Variants in KNL1 observed in about 807,000 individuals in gnomAD.
KNL1 encodes outer kinetochore KNL1 complex subunit KNL1.
In KNL1, 66 loss-of-function variants were observed where a neutral mutation model predicts 201.3. The observed-to-expected ratio is 0.33, with a 90% CI of 0.27 to 0.40. The LOEUF (loss-of-function observed/expected upper bound fraction) is 0.40. KNL1 is among the 10% of genes least tolerant of loss of function. KNL1 has a pLI of 1.00. For synonymous variants in KNL1, 895 were observed against 899.2 expected (o/e 1.00, Z 0.08); for missense variants, 2,815 against 2,690.5 (o/e 1.05, Z -1.02).
In KNL1 at chr15:40,624,195, T is replaced by C; in HGVS notation, c.3931T>C (p.Cys1311Arg). The change falls in exon 10 of 26, where the codon TGT (cysteine) becomes CGT (arginine). Residue 1311 changes from cysteine to arginine, a missense_variant. Around this residue, in one of 3 missense-constraint regions of KNL1, gnomAD observed 2,464 missense variants for 2,291.7 expected, o/e 1.08. Transcript: ENST00000399668. ...TTCCTGTTTACCAAATGTTATTTCCTGTACTGATAATTTGGAGGGTAGTGC... is the reference window on the plus strand; with the variant it reads ...TTCCTGTTTACCAAATGTTATTTCCCGTACTGATAATTTGGAGGGTAGTGC... ...NYSCLPNVISCTDNLEGSAML... is the reference protein window; with the variant it reads ...NYSCLPNVISRTDNLEGSAML... 2.5e-6 allele frequency: 4 copies of C among 1,613,966 alleles called. No individual in the cohort carries two copies. Among genetic ancestry groups the C allele is most frequent in the Non-Finnish European group, 3.4e-6 (4 of 1,179,934 alleles).
Position 40,624,326 on chromosome 15 carries a change from G to A in KNL1, c.4062G>A (p.Glu1354=), listed in dbSNP as rs748021591. Residue 1354 remains glutamate (E), a synonymous_variant, in exon 10 of 26, where the codon GAG becomes GAA. Transcript: ENST00000399668. ...CCAGTGAATATTACTTGGAATCTGA[G>A]GGACAGCCTCTCTCTGCTCCTTGTC... ...DFASEYYLES[E]GQPLSAPCPL... is the part of the protein sequence containing the mutation. The A allele has an allele frequency of 1.2e-6, 2 of 1,613,978 alleles. No individual in the cohort carries two copies. The highest frequency in any genetic ancestry group is 2.2e-5 in the South Asian group (2 of 91,082).
chr15:40,625,373 G>C lies in KNL1; in HGVS notation c.5109G>C (p.Leu1703=), dbSNP rs1417475815. The C allele has an allele frequency of 6.2e-7, 1 of 1,614,024 alleles. No homozygotes were observed. Among genetic ancestry groups the C allele is most frequent in the Admixed American group, 1.7e-5 (1 of 59,994 alleles). The change falls in exon 10 of 26, where the codon CTG becomes CTC. Residue 1703 remains leucine, a synonymous_variant. Coordinates refer to ENST00000399668, the MANE Select transcript of KNL1 (RefSeq NM_144508.5). Reference sequence around the variant, plus strand: ...GCATTGGATCTGTTGCAGGTAAACTGAACCTAAGTCCTTCTCAATATATAA... The same window carrying C: ...GCATTGGATCTGTTGCAGGTAAACTCAACCTAAGTCCTTCTCAATATATAA... ...DSGIGSVAGK[L]NLSPSQYINE...
rs1489850459 is a variant in KNL1 at position 40,624,612 on chromosome 15, C to T, written c.4348C>T (p.Pro1450Ser). 1.2e-6 allele frequency: 2 copies of T among 1,613,792 alleles called. No homozygotes were observed. The highest frequency in any genetic ancestry group is 1.6e-4 in the Middle Eastern group (1 of 6,082). The change falls in exon 10 of 26, where the codon CCT becomes TCT. Residue 1450 changes from proline (P) to serine (S), a missense_variant. Pro to Ser is a moderately conservative substitution (Grantham distance 74). Coordinates refer to ENST00000399668, the MANE Select transcript of KNL1 (RefSeq NM_144508.5). The part of the protein sequence containing the change: ...IPQPHFSTDQ[P>S]PLPKKGQSSI... ...TCAGCCTCATTTCTCAACCGACCAACCTCCATTACCTAAAAAAGGACAGAG... is the reference window on the plus strand; with the variant it reads ...TCAGCCTCATTTCTCAACCGACCAATCTCCATTACCTAAAAAAGGACAGAG...
In KNL1 at chr15:40,659,892, T is replaced by TTGTGTGTG. The variant is rs749156028; in HGVS notation, c.6836+432_6836+433insGTGTGTGT. 9.2e-3 allele frequency among the ~76,000 whole-genome samples: 1,105 copies of TTGTGTGTG among 120,132 alleles called. 10 individuals are homozygous for TTGTGTGTG. Among genetic ancestry groups the TTGTGTGTG allele is most frequent in the Non-Finnish European group, 9.2e-3 (502 of 54,668 alleles). The allele number at this position is 120,132 out of a possible 152,430, so 78.8% of individuals were successfully genotyped here. ...TTCTCTTGAGTTCATTTTGAAGAAT[T>TTGTGTGTG]TATGTGTGTGTGTGTGTGTGTGTGT... On this transcript the variant is annotated intron_variant, in intron 25 of 25. Transcript: ENST00000399668.
chr15:40,598,444 A>G (rs994144555), intron 1 of KNL1, among the ~76,000 whole-genome samples: 5 of 152,042 alleles, frequency 3.3e-5, no homozygotes, highest in Non-Finnish European at 7.4e-5. Context: ...GAATGGTGGC[A>G]GGTGCCTGTA....
chr15:40,658,917 G>C (rs1316515149), intron 24 of KNL1, among the ~76,000 whole-genome samples: 2 of 135,166 alleles, frequency 1.5e-5, no homozygotes, highest in African/African-American at 2.8e-5. Context: ...GTGACAGAGC[G>C]AGACTCCATC....
chr15:40,651,042 T>A (rs190423038), intron 19 of KNL1, among the ~76,000 whole-genome samples: 1 of 151,484 alleles, frequency 6.6e-6, no homozygotes, highest in African/African-American at 2.4e-5. Flanking sequence ...ATGTTCTGTT[T>A]AGCTCTAACA....
rs371898340 is a variant in KNL1, at chr15:40,651,542, A to G, written c.6284A>G (p.Asn2095Ser). Residue 2095 changes from asparagine (N) to serine (S), a missense_variant, in exon 20 of 26, where the codon AAT (asparagine) becomes AGT (serine). By Grantham distance (46) the Asn-to-Ser change is conservative (BLOSUM62 1). Around this residue, in one of 3 missense-constraint regions of KNL1, gnomAD observed 334 missense variants for 362.6 expected, o/e 0.92. Transcript: ENST00000399668. ...AQIDFMQKQR[N>S]RTEELLDQLS... The stretch of plus-strand genomic sequence containing the variant: ...ATAGACTTTATGCAAAAACAAAGAA[A>G]TAGAACTGAAGAGCTACTGGATCAG... 59 of 1,610,570 alleles carry G rather than the reference A, an allele frequency of 3.7e-5. No individual in the cohort carries two copies. The African/African-American group carries it at 7.6e-4, about 21-fold the overall frequency.
chr15:40,599,564 CG>C (rs925329543), intron 1 of KNL1, among the ~76,000 whole-genome samples: 15 of 151,158 alleles, frequency 9.9e-5, no homozygotes, highest in African/African-American at 3.6e-4. Flanking sequence ...TTGTATTTTT[CG>C]TAGAGGTGGG....
chr15:40,612,201 A>C (rs1892187044), intron 7 of KNL1, among the ~76,000 whole-genome samples: 1 of 152,164 alleles, frequency 6.6e-6, no homozygotes, highest in Admixed American at 6.6e-5. Context: ...CTGTAGTCCC[A>C]GCTACTCAGG....
intron 13 of KNL1, 36 bp from the exon 14 acceptor site, chr15:40,640,876 G>GAT: frequency 8.3e-7 from 1 of 1,204,554 alleles, no homozygotes. Flanking sequence ...TTGTCTGCAA[G>GAT]ATACCAGTTC....
Position 40,621,551 on chromosome 15 carries a change from C to G in KNL1, c.1287C>G (p.Phe429Leu), listed in dbSNP as rs1273657787. The change falls in exon 10 of 26, where the codon TTC becomes TTG. Residue 429 changes from phenylalanine to leucine, a missense_variant. Around this residue, in one of 3 missense-constraint regions of KNL1, gnomAD observed 2,464 missense variants for 2,291.7 expected, o/e 1.08. Coordinates refer to ENST00000399668, the MANE Select transcript of KNL1 (RefSeq NM_144508.5). ...CTATTCAAGGTTGTAAGACTGTTTT[C>G]TATTCTAGTTGTAATGATGCCATGG... ...NPSIQGCKTV[F>L]YSSCNDAMEM... 3 of 1,610,628 alleles carry G rather than the reference C, an allele frequency of 1.9e-6. No homozygotes were observed. Among genetic ancestry groups the G allele is most frequent in the Non-Finnish European group, 2.5e-6 (3 of 1,178,470 alleles).
rs1326127670 is a variant in KNL1, at chr15:40,657,056, C to T, written c.6499C>T (p.Pro2167Ser). ...TCCTTCCCCAGAGGATCAAGCTCCT[C>T]CTTCCTCCCTTTTAGTTCATAAGCT... ...QSLLDEDQAP[P>S]SSLLVHKLIF... The change falls in exon 23 of 26, where the codon CCT becomes TCT. Residue 2167 changes from proline (P) to serine (S), a missense_variant. Coordinates refer to ENST00000399668, the MANE Select transcript of KNL1 (RefSeq NM_144508.5). 2 of 1,572,262 alleles carry T rather than the reference C, an allele frequency of 1.3e-6. No homozygotes were observed. Among genetic ancestry groups the T allele is most frequent in the Non-Finnish European group, 1.7e-6 (2 of 1,159,024 alleles).
chr15:40,651,409 A>G (rs1335131969), intron 19 of KNL1, 62 bp from the exon 20 acceptor site: 1 of 1,090,140 alleles, frequency 9.2e-7, no homozygotes, highest in Non-Finnish European at 1.3e-6. Context: ...AACCTTTTAT[A>G]TTGATAGAGT....
In KNL1 at chr15:40,602,965, A is replaced by G; in HGVS notation, c.34A>G (p.Asn12Asp). 1 of 1,590,608 alleles carries G rather than the reference A, an allele frequency of 6.3e-7. No homozygotes were observed. The change falls in exon 2 of 26, where the codon AAT (asparagine) becomes GAT (aspartate). Residue 12 changes from asparagine to aspartate, a missense_variant and splice_region_variant. Physicochemically the swap from Asn to Asp is conservative, Grantham distance 23. This residue lies in a region of KNL1 where 2,464 missense variants were observed against 2,291.7 expected (regional missense o/e 1.08). Coordinates refer to ENST00000399668, the MANE Select transcript of KNL1 (RefSeq NM_144508.5). ...GGTGTCTTCAGAGGCTAATGAAGAAAAGTAAGTTCATTTAATGCAGCTAAA... is the reference window on the plus strand; with the variant it reads ...GGTGTCTTCAGAGGCTAATGAAGAAGAGTAAGTTCATTTAATGCAGCTAAA... ...DGVSSEANEENDNIERPVRRR... is the reference protein window; with the variant it reads ...DGVSSEANEEDDNIERPVRRR...
At chr15:40,656,500 A>T (rs1893737910) in intron 22 of KNL1, among the ~76,000 whole-genome samples, 1 of 152,186 alleles carries the variant, frequency 6.6e-6, no homozygotes, top group African/African-American at 2.4e-5. Context: ...ACTCTTACTC[A>T]AGTACTGTTT....
In KNL1 at chr15:40,623,426, G is replaced by A. The variant is rs753821813; in HGVS notation, c.3162G>A (p.Leu1054=). 1 of 1,613,466 alleles carries A rather than the reference G, an allele frequency of 6.2e-7. No individual in the cohort carries two copies. The highest frequency in any genetic ancestry group is 8.5e-7 in the Non-Finnish European group (1 of 1,179,808). Residue 1054 remains leucine (L), a synonymous_variant, in exon 10 of 26, where the codon CTG becomes CTA. Coordinates refer to ENST00000399668, the MANE Select transcript of KNL1 (RefSeq NM_144508.5). ...NIKDVQSPGF[L]NEPLSSKSQR... Reference sequence around the variant, plus strand: ...AAGATGTACAAAGTCCTGGATTTCTGAATGAACCTCTATCAAGCAAAAGTC... The same window carrying A: ...AAGATGTACAAAGTCCTGGATTTCTAAATGAACCTCTATCAAGCAAAAGTC...
chr15:40,625,252 G>A lies in KNL1; in HGVS notation c.4988G>A (p.Cys1663Tyr), dbSNP rs772043978. Reference protein sequence around the residue: ...FLPRLPNKRNCSVTGIDDLEQ... With the variant: ...FLPRLPNKRNYSVTGIDDLEQ... ...CCTAGATTGCCCAACAAGAGAAATTGTAGTGTCACTGGTATTGATGACCTG... is the reference window on the plus strand; with the variant it reads ...CCTAGATTGCCCAACAAGAGAAATTATAGTGTCACTGGTATTGATGACCTG... The change falls in exon 10 of 26, where the codon TGT becomes TAT. Residue 1663 changes from cysteine to tyrosine, a missense_variant. Physicochemically the swap from Cys to Tyr is radical, Grantham distance 194. Coordinates refer to ENST00000399668, the MANE Select transcript of KNL1 (RefSeq NM_144508.5). 1 of 1,614,058 alleles carries A rather than the reference G, an allele frequency of 6.2e-7. No individual in the cohort carries two copies. The highest frequency in any genetic ancestry group is 1.1e-5 in the South Asian group (1 of 91,072).
intron 17 of KNL1, among the ~76,000 whole-genome samples, chr15:40,647,515 C>T (rs542840984): frequency 1.3e-3 from 196 of 151,964 alleles, no homozygotes; most frequent in African/African-American, 4.6e-3. Flanking sequence ...TAAATTAGAG[C>T]AAATTAAAGT....
Sources: allele counts gnomAD v4.1 joint callset (sites outside exome capture counted in the v4.1 genomes callset), GRCh38; gene constraint gnomAD v4.1.1; regional missense constraint gnomAD v4.1.1; transcripts MANE v1.5; gene names NCBI Gene and HGNC (gene_info 2026-07-23, HGNC 2026-07-21).